Variants in CD6 observed in about 807,000 individuals in gnomAD.
The protein encoded by CD6 is T-cell differentiation antigen CD6.
Under a neutral mutation model 75.3 loss-of-function variants are expected in CD6, and 53 were observed. The observed-to-expected ratio is 0.70, with a 90% confidence interval of 0.56 to 0.88. The LOEUF (loss-of-function observed/expected upper bound fraction) is 0.88. CD6 is among the 40% of genes least tolerant of loss of function. CD6 has a pLI of 0.00. For missense variants in CD6, 770 were observed against 897.1 expected (o/e 0.86, Z 1.81); for synonymous variants, 359 against 381.5 (o/e 0.94, Z 0.69).
chr11:60,999,104 G>A (rs953894697), intron 1 of CD6, among the ~76,000 whole-genome samples: 10 of 152,088 alleles, frequency 6.6e-5, no homozygotes, highest in Admixed American at 5.9e-4. Flanking sequence ...GTTGCAGTGA[G>A]TTGAGATGGC....
At position 61,002,280 on chromosome 11, in the gene CD6, C is replaced by T. The variant is rs138899470; in HGVS notation, c.50-4294C>T. On this transcript the variant is annotated intron_variant, in intron 1 of 12. Coordinates refer to ENST00000313421, the MANE Select transcript of CD6 (RefSeq NM_006725.5). ...TCAAAAATCTGCAGTGGACTGGGTGCGGTGGCTCACACCTGTATGCCCAGC... is the reference window on the plus strand; with the variant it reads ...TCAAAAATCTGCAGTGGACTGGGTGTGGTGGCTCACACCTGTATGCCCAGC... 3.0e-3 allele frequency among the ~76,000 whole-genome samples: 452 copies of T among 152,232 alleles called. 2 individuals carry two copies. Among genetic ancestry groups the T allele is most frequent in the African/African-American group, 8.6e-3 (356 of 41,530 alleles).
chr11:60,998,502 A>G (rs1216247702), intron 1 of CD6, among the ~76,000 whole-genome samples: 1 of 152,206 alleles, frequency 6.6e-6, no homozygotes. Flanking sequence ...AATGATAGAA[A>G]TCAACTGTCA....
chr11:60,995,635 C>T (rs1463343987), intron 1 of CD6, among the ~76,000 whole-genome samples: 2 of 152,154 alleles, frequency 1.3e-5, no homozygotes, highest in African/African-American at 4.8e-5. Flanking sequence ...GATGCATCCT[C>T]AGGCCCTAGA....
intron 1 of CD6, among the ~76,000 whole-genome samples, chr11:61,003,561 C>T (rs1003541681): frequency 2.6e-5 from 4 of 151,946 alleles, no homozygotes; most frequent in East Asian, 3.9e-4. Flanking sequence ...GGGAAAACCC[C>T]GTCTCTACAA....
rs1477373986 is a variant in CD6 at position 61,011,053 on chromosome 11, G to A, written c.1085-17G>A. On this transcript the variant is annotated splice_polypyrimidine_tract_variant and intron_variant, in intron 5 of 12. Coordinates refer to ENST00000313421, the MANE Select transcript of CD6 (RefSeq NM_006725.5). The stretch of plus-strand genomic sequence containing the variant: ...TCAGTAACATGCATTGAGTGACTGG[G>A]CGGTGCTTTCTGACAGCTTCCCGGA... The A allele has an allele frequency of 2.5e-6, 4 of 1,613,298 alleles. No homozygotes were observed. The highest frequency in any genetic ancestry group is 3.4e-6 in the Non-Finnish European group (4 of 1,179,376).
rs770168678 is a variant in CD6, at chr11:61,019,315, C to T, written c.2004C>T (p.Ala668=). ...DNDDYDDISA[A] is the part of the protein sequence containing the mutation. ...ATGACTACGATGACATCAGCGCAGC[C>T]TAGGCCGGGGCCAGCCGAGGCTCCT... The change falls in exon 13 of 13, where the codon GCC becomes GCT. Residue 668 remains alanine (A), a synonymous_variant. Coordinates refer to ENST00000313421, the MANE Select transcript of CD6 (RefSeq NM_006725.5). 21 of 1,607,512 alleles carry T rather than the reference C, an allele frequency of 1.3e-5. No individual in the cohort carries two copies. The South Asian group carries it at 2.3e-4, about 18-fold the overall frequency.
At chr11:60,984,601 T>A (rs1857725685) in intron 1 of CD6, among the ~76,000 whole-genome samples, 1 of 152,236 alleles carries the variant, frequency 6.6e-6, no homozygotes. Context: ...GCTTCTATTC[T>A]AATAGGGAAA....
At chr11:61,005,549 G>T (rs1394111163) in intron 1 of CD6, among the ~76,000 whole-genome samples, 3 of 152,222 alleles carry the variant, frequency 2.0e-5, no homozygotes, top group African/African-American at 7.2e-5. Flanking sequence ...ACCCTATCTG[G>T]CAGGGACAAC....
At chr11:60,986,812 C>T (rs1366417096) in intron 1 of CD6, among the ~76,000 whole-genome samples, 1 of 152,184 alleles carries the variant, frequency 6.6e-6, no homozygotes, top group African/African-American at 2.4e-5. Flanking sequence ...CTGCAACAAA[C>T]TGAGTGGCCA....
intron 1 of CD6, among the ~76,000 whole-genome samples, chr11:60,984,441 T>C (rs1857711301): frequency 6.6e-6 from 1 of 152,126 alleles, no homozygotes; most frequent in South Asian, 2.1e-4. Context: ...CCGCCTCGGA[T>C]ATTGGAGTCC....
chr11:61,015,463 C>T, intron 8 of CD6: 3 of 446,066 alleles, frequency 6.7e-6, no homozygotes, highest in East Asian at 3.8e-5. Context: ...CCCAGCTACT[C>T]GGGAGGCTGA....
In CD6 at chr11:61,007,976, T is replaced by G. The variant is rs1858951760; in HGVS notation, c.469+66T>G. ...TCCCCAGGCCTTCAGCCACTGCCCC[T>G]GGCTCCAGACCCTGGACGCAAGCCT... On this transcript the variant is annotated intron_variant, in intron 3 of 12. Coordinates refer to ENST00000313421, the MANE Select transcript of CD6 (RefSeq NM_006725.5). The surrounding 1 kb of genome is among the most constrained non-coding windows in gnomAD (Gnocchi z 4.2). 3 of 1,083,064 alleles carry G rather than the reference T, an allele frequency of 2.8e-6. No individual in the cohort carries two copies. Among genetic ancestry groups the G allele is most frequent in the African/African-American group, 1.7e-5 (1 of 60,212 alleles). 67.1% of individuals were successfully genotyped at this position (1,083,064 alleles called of 1,614,324 possible).
Position 61,007,846 on chromosome 11 carries a change from G to T in CD6, c.405G>T (p.Arg135=). 1 of 1,417,018 alleles carries T rather than the reference G, an allele frequency of 7.1e-7. No individual in the cohort carries two copies. 87.8% of individuals were successfully genotyped at this position (1,417,018 alleles called of 1,614,324 possible). Residue 135 remains arginine, a synonymous_variant, in exon 3 of 13, where the codon CGG becomes CGT. Coordinates refer to ENST00000313421, the MANE Select transcript of CD6 (RefSeq NM_006725.5). The surrounding 1 kb of genome is among the most constrained non-coding windows in gnomAD (Gnocchi z 4.2). ...PALLCSGAEW[R]LCEVVEHACR... Reference sequence around the variant, plus strand: ...TCCTGTGCAGCGGCGCCGAGTGGCGGCTCTGCGAGGTGGTGGAGCACGCGT... The same window carrying T: ...TCCTGTGCAGCGGCGCCGAGTGGCGTCTCTGCGAGGTGGTGGAGCACGCGT...
At chr11:60,983,280 C>T (rs1230345108) in intron 1 of CD6, among the ~76,000 whole-genome samples, 1 of 151,852 alleles carries the variant, frequency 6.6e-6, no homozygotes, top group African/African-American at 2.4e-5. Context: ...TTAGTAGAGA[C>T]GGGGTTTCAC....
Position 61,019,446 on chromosome 11 carries a change from T to G in CD6, c.*128T>G, listed in dbSNP as rs536705615. On this transcript the variant is annotated 3_prime_UTR_variant, in exon 13 of 13. Transcript: ENST00000313421. ...AGCTGAGAGGCCTCCCTTGGAGAGA[T>G]GGAAGGAAACGTTATACCTTGTACC... The G allele has an allele frequency of 2.2e-5, 15 of 677,314 alleles. No homozygotes were observed. The highest frequency in any genetic ancestry group is 5.3e-4 in the Middle Eastern group (2 of 3,768). The allele number at this position is 677,314 out of a possible 1,614,324, so 42.0% of individuals were successfully genotyped here.
At chr11:60,999,292 C>T (rs964102106) in intron 1 of CD6, among the ~76,000 whole-genome samples, 2 of 150,962 alleles carry the variant, frequency 1.3e-5, no homozygotes, top group African/African-American at 4.9e-5. Flanking sequence ...AGGCACTGCG[C>T]AAGGTCCTGG....
Position 61,007,081 on chromosome 11 carries a change from C to T in CD6, c.118+439C>T, listed in dbSNP as rs563597183. 6.8e-4 allele frequency among the ~76,000 whole-genome samples: 103 copies of T among 152,244 alleles called. No homozygotes were observed. Among genetic ancestry groups the T allele is most frequent in the Non-Finnish European group, 1.2e-3 (83 of 67,994 alleles). The stretch of plus-strand genomic sequence containing the variant: ...TGAGGACCACCATCAGCTGAAGCAG[C>T]CCATCATCAACCCCATGGCCAGCCG... On this transcript the variant is annotated intron_variant, in intron 2 of 12. Coordinates refer to ENST00000313421, the MANE Select transcript of CD6 (RefSeq NM_006725.5). This position sits in a 1 kb window ranked among gnomAD's most constrained non-coding sequence, Gnocchi z 4.2.
chr11:60,978,225 G>A (rs1461002391), intron 1 of CD6, among the ~76,000 whole-genome samples: 3 of 152,224 alleles, frequency 2.0e-5, no homozygotes, highest in Admixed American at 6.5e-5. Flanking sequence ...CAAAGGGGGT[G>A]GGCATGGTGT....
At chr11:61,014,734 CAA>C (rs553540779) in intron 8 of CD6, among the ~76,000 whole-genome samples, 20 of 104,600 alleles carry the variant, frequency 1.9e-4, no homozygotes, top group Admixed American at 3.6e-4. Context: ...GACTCTGTCT[CAA>C]AAAAAAAAAA....
Sources: allele counts gnomAD v4.1 joint callset (sites outside exome capture counted in the v4.1 genomes callset), GRCh38; gene constraint gnomAD v4.1.1; non-coding constraint Gnocchi (gnomAD v3.1); transcripts MANE v1.5; gene names NCBI Gene and HGNC (gene_info 2026-07-23, HGNC 2026-07-21).